The following VPS13B variants were observed in gnomAD, a reference collection of about 807,000 sequenced individuals.
The protein encoded by VPS13B is intermembrane lipid transfer protein VPS13B.
In VPS13B, 285 loss-of-function variants were observed where a neutral mutation model predicts 426.4. The ratio of observed to expected loss-of-function variants is 0.67; its 90% CI spans 0.61 to 0.74. The LOEUF is 0.74. Among genes scored for constraint, VPS13B ranks in the 30% least tolerant of loss-of-function variants. VPS13B has a pLI of 0.00. For synonymous variants in VPS13B, 1,676 were observed against 1,676.4 expected, an observed-to-expected ratio of 1.00 and a Z score of 0.01; for missense variants, 4,537 against 4,782.6, an observed-to-expected ratio of 0.95 and a Z score of 1.51.
rs34355540 is a variant in VPS13B, at chr8:99,657,470, T to TTGTGTGTGTG, written c.5909-3868_5909-3859dup. On this transcript the variant is annotated intron_variant, in intron 34 of 61. Transcript: ENST00000357162. ...TGATCATTCAGCAGTACTTTAAAAA[T>TTGTGTGTGTG]TGTGTGTGTGTGTGTGTGTGTGTGT... Among the ~76,000 whole-genome samples, 703 of 146,978 alleles carry TTGTGTGTGTG rather than the reference T, an allele frequency of 4.8e-3. 5 individuals are homozygous for TTGTGTGTGTG. Among genetic ancestry groups the TTGTGTGTGTG allele is most frequent in the Middle Eastern group, 6.8e-3 (2 of 292 alleles).
At chr8:99,731,807 A>G (rs1027912433) in intron 39 of VPS13B, among the ~76,000 whole-genome samples, 3 of 152,204 alleles carry the variant, frequency 2.0e-5, no homozygotes, top group African/African-American at 7.2e-5. Flanking sequence ...GTGTGGCAAA[A>G]GCATTCACAC....
intron 19 of VPS13B, among the ~76,000 whole-genome samples, chr8:99,320,970 A>G (rs942608842): frequency 1.3e-5 from 2 of 152,150 alleles, no homozygotes; most frequent in African/African-American, 4.8e-5. Flanking sequence ...AATCTTTAAA[A>G]CTAAACAAAT....
At chr8:99,229,689 C>G (rs1816217183) in intron 17 of VPS13B, among the ~76,000 whole-genome samples, 1 of 151,976 alleles carries the variant, frequency 6.6e-6, no homozygotes. Flanking sequence ...AGATAGAAGG[C>G]CACTTTGGCT....
At chr8:99,367,347 A>G (rs779676352) in intron 19 of VPS13B, among the ~76,000 whole-genome samples, 1 of 152,134 alleles carries the variant, frequency 6.6e-6, no homozygotes, top group Non-Finnish European at 1.5e-5. Context: ...TGTAGTTTCC[A>G]CTGAAAAGTC....
rs112066025 is a variant in VPS13B at position 99,076,965 on chromosome 8, T to C, written c.292-19347T>C. 8.3e-3 allele frequency among the ~76,000 whole-genome samples: 1,263 copies of C among 152,224 alleles called. 16 individuals carry two copies. The highest frequency in any genetic ancestry group is 0.028 in the African/African-American group (1,182 of 41,540). Reference sequence around the variant, plus strand: ...CATTGTTTATTTTTGTGGTTTCGTGTTTTTCTGTATTTGTAATGTTTGGTT... The same window carrying C: ...CATTGTTTATTTTTGTGGTTTCGTGCTTTTCTGTATTTGTAATGTTTGGTT... On this transcript the variant is annotated intron_variant, in intron 3 of 61. Coordinates refer to ENST00000357162, the MANE Select transcript of VPS13B (RefSeq NM_152564.5).
intron 25 of VPS13B, among the ~76,000 whole-genome samples, chr8:99,492,875 C>T (rs1820689860): frequency 6.6e-6 from 1 of 152,198 alleles, no homozygotes; most frequent in Non-Finnish European, 1.5e-5. Context: ...GGGCTGCACC[C>T]ACTCTCCAAC....
rs912201816 is a variant in VPS13B, at chr8:99,661,442, T to C, written c.5997T>C (p.Ile1999=). The stretch of plus-strand genomic sequence containing the variant: ...GAGAAATAGACAGCAAAAGTGGTAT[T>C]CCACCTTCCTTTATAACACTACAGA... ...VPGEIDSKSG[I]PPSFITLQIK... Residue 1999 remains isoleucine, a synonymous_variant, in exon 35 of 62, where the codon ATT becomes ATC. Coordinates refer to ENST00000357162, the MANE Select transcript of VPS13B (RefSeq NM_152564.5). The C allele has an allele frequency of 1.2e-6, 2 of 1,613,590 alleles. No homozygotes were observed. The highest frequency in any genetic ancestry group is 2.7e-5 in the African/African-American group (2 of 74,916).
chr8:99,393,582 A>T (rs531781513), intron 21 of VPS13B, among the ~76,000 whole-genome samples: 3 of 152,270 alleles, frequency 2.0e-5, no homozygotes, highest in Admixed American at 2.0e-4. Flanking sequence ...ATAGATAAGG[A>T]CATTATTATT....
chr8:99,047,158 G>A (rs917975258), intron 3 of VPS13B, among the ~76,000 whole-genome samples: 4 of 152,016 alleles, frequency 2.6e-5, no homozygotes, highest in Non-Finnish European at 4.4e-5. Flanking sequence ...ATATGGTCCT[G>A]GACTTTTTTT....
At chr8:99,348,836 A>AT (rs911144554) in intron 19 of VPS13B, among the ~76,000 whole-genome samples, 4 of 151,830 alleles carry the variant, frequency 2.6e-5, no homozygotes, top group South Asian at 4.1e-4. Flanking sequence ...AAAATAATTT[A>AT]TTTTTTTTAA....
At chr8:99,444,010 T>TC (rs1338306150) in intron 23 of VPS13B, among the ~76,000 whole-genome samples, 1 of 151,898 alleles carries the variant, frequency 6.6e-6, no homozygotes, top group East Asian at 1.9e-4. Flanking sequence ...TTCTTTTCTT[T>TC]TTTTTTTTAT....
chr8:99,025,811 T>A (rs1045273310), intron 2 of VPS13B, among the ~76,000 whole-genome samples: 3 of 152,152 alleles, frequency 2.0e-5, no homozygotes, highest in Non-Finnish European at 4.4e-5. Flanking sequence ...GGGAATTTAT[T>A]TGTGTTCTCT....
At chr8:99,061,296 C>T (rs199885835) in intron 3 of VPS13B, among the ~76,000 whole-genome samples, 498 of 112,736 alleles carry the variant, frequency 4.4e-3, no homozygotes, top group Middle Eastern at 0.021. Flanking sequence ...TGCTAATTTT[C>T]TTTTTTTTTT....
intron 34 of VPS13B, among the ~76,000 whole-genome samples, chr8:99,643,827 T>A (rs1829467965): frequency 6.6e-6 from 1 of 152,178 alleles, no homozygotes; most frequent in Admixed American, 6.5e-5. Context: ...ATATTCTCAT[T>A]TACTGGGTGC....
Position 99,842,585 on chromosome 8 carries a change from G to A in VPS13B, c.9943-6191G>A, listed in dbSNP as rs949640442. Among the ~76,000 whole-genome samples the A allele has an allele frequency of 3.3e-5, 5 of 151,816 alleles. 1 individual carries two copies. The highest frequency in any genetic ancestry group is 4.2e-4 in the South Asian group (2 of 4,812). Reference sequence around the variant, plus strand: ...AGCTATGATCACGCCACAGCATTCCGGCCTGGTTAACAGAGCAAAACCCGT... The same window carrying A: ...AGCTATGATCACGCCACAGCATTCCAGCCTGGTTAACAGAGCAAAACCCGT... On this transcript the variant is annotated intron_variant, in intron 54 of 61. Transcript: ENST00000357162.
chr8:99,744,634 G>A (rs1013657760), intron 39 of VPS13B, among the ~76,000 whole-genome samples: 3 of 152,142 alleles, frequency 2.0e-5, no homozygotes, highest in Non-Finnish European at 4.4e-5. Flanking sequence ...GGAATACTAT[G>A]CAGCCATAAA....
At chr8:99,144,467 C>A (rs553584986) in intron 13 of VPS13B, among the ~76,000 whole-genome samples, 2 of 137,118 alleles carry the variant, frequency 1.5e-5, no homozygotes, top group Admixed American at 7.7e-5. Context: ...CCAGCCTGGC[C>A]AACACAACAA....
At chr8:99,303,288 A>G (rs937212879) in intron 19 of VPS13B, among the ~76,000 whole-genome samples, 12 of 150,602 alleles carry the variant, frequency 8.0e-5, no homozygotes, top group East Asian at 2.0e-4. Context: ...AAGGAAAACA[A>G]CTAGTTGAGA....
intron 17 of VPS13B, among the ~76,000 whole-genome samples, chr8:99,217,539 GAGA>G (rs1471569841): frequency 1.3e-5 from 2 of 152,196 alleles, no homozygotes; most frequent in South Asian, 2.1e-4. Context: ...GAAGAACACT[GAGA>G]AGGTGTAGTT....
Sources: allele counts gnomAD v4.1 joint callset (sites outside exome capture counted in the v4.1 genomes callset), GRCh38; gene constraint gnomAD v4.1.1; transcripts MANE v1.5; gene names NCBI Gene and HGNC (gene_info 2026-07-23, HGNC 2026-07-21).